Variants in C1QTNF7 observed in about 807,000 individuals in gnomAD.
The protein encoded by C1QTNF7 is C1q and TNF related 7.
In C1QTNF7, 15 loss-of-function variants were observed where a neutral mutation model predicts 19.6. The ratio of observed to expected loss-of-function variants is 0.76; its 90% CI spans 0.51 to 1.18. C1QTNF7 has a LOEUF of 1.18. Ranked by LOEUF, C1QTNF7 falls within the 50% of genes most tolerant of loss-of-function variation. The pLI is 0.00. For missense variants in C1QTNF7, 324 were observed against 359.7 expected, an observed-to-expected ratio of 0.90 and a Z score of 0.80; for synonymous variants, 142 against 137.5, an observed-to-expected ratio of 1.03 and a Z score of -0.23.
chr4:15,435,356 T>C (rs925998271), intron 1 of C1QTNF7, among the ~76,000 whole-genome samples: 2 of 152,184 alleles, frequency 1.3e-5, no homozygotes, highest in African/African-American at 4.8e-5. Context: ...GTAAAAATAA[T>C]GTTGATGTTT....
At chr4:15,341,460 GAT>G (rs1312565934) in intron 1 of C1QTNF7, among the ~76,000 whole-genome samples, 1 of 152,140 alleles carries the variant, frequency 6.6e-6, no homozygotes, top group Non-Finnish European at 1.5e-5. Context: ...TGGTCTCAAC[GAT>G]AAGAAAGGGA....
chr4:15,443,891 C>T lies in C1QTNF7; in HGVS notation c.*1092C>T, dbSNP rs1387565618. ...GGTATTTATTTCAAATAAAGCAAGG[C>T]ATATGTTCACTGATTTACGAGTAAG... On this transcript the variant is annotated 3_prime_UTR_variant, in exon 3 of 3. Coordinates refer to ENST00000444304, the MANE Select transcript of C1QTNF7 (RefSeq NM_031911.5). 24 of 152,176 alleles carry T rather than the reference C, an allele frequency of 1.6e-4. No homozygotes were observed. Among genetic ancestry groups the T allele is most frequent in the Admixed American group, 1.6e-3 (24 of 15,282 alleles). The allele number at this position is 152,176 out of a possible 1,614,324, so 9.4% of individuals were successfully genotyped here.
intron 1 of C1QTNF7, among the ~76,000 whole-genome samples, chr4:15,370,643 T>C (rs1717687632): frequency 6.6e-6 from 1 of 152,124 alleles, no homozygotes; most frequent in Non-Finnish European, 1.5e-5. Context: ...TGAAAGGAGA[T>C]TATAAGAAGG....
chr4:15,392,010 GC>G (rs1302800722), intron 1 of C1QTNF7, among the ~76,000 whole-genome samples: 1 of 152,172 alleles, frequency 6.6e-6, no homozygotes, highest in African/African-American at 2.4e-5. Context: ...CAGGTCCTCA[GC>G]CTGGATTTAG....
intron 1 of C1QTNF7, among the ~76,000 whole-genome samples, chr4:15,344,961 G>A (rs1476648607): frequency 6.6e-6 from 1 of 152,200 alleles, no homozygotes; most frequent in African/African-American, 2.4e-5. Context: ...TTCATTAGGT[G>A]TCTTATGATC....
In C1QTNF7 at chr4:15,390,960, G is replaced by A. The variant is rs1245194658; in HGVS notation, c.14-44776G>A. ...TCTCCCAAAGAGACAGTCTATCTGG[G>A]GACTCCATCGGTTAGCACTCTTTCA... is the stretch of plus-strand genomic sequence containing the variant. On this transcript the variant is annotated intron_variant, in intron 1 of 2. Transcript: ENST00000295297. Among the ~76,000 whole-genome samples, 4 of 152,012 alleles carry A rather than the reference G, an allele frequency of 2.6e-5. No individual in the cohort carries two copies. The East Asian group carries it at 7.7e-4, about 29-fold the overall frequency.
chr4:15,433,697 A>ACAGATT (rs1472629447), intron 1 of C1QTNF7, among the ~76,000 whole-genome samples: 1 of 152,218 alleles, frequency 6.6e-6, no homozygotes, highest in Non-Finnish European at 1.5e-5. Flanking sequence ...ACCAGAAATC[A>ACAGATT]CAGGACAGCC....
intron 1 of C1QTNF7, among the ~76,000 whole-genome samples, chr4:15,431,393 C>A (rs1195204672): frequency 1.3e-5 from 2 of 152,108 alleles, no homozygotes; most frequent in Non-Finnish European, 2.9e-5. Flanking sequence ...AGGGAGGGAA[C>A]CTGGGTATCC....
At chr4:15,343,472 G>T (rs1716617787) in intron 1 of C1QTNF7, among the ~76,000 whole-genome samples, 1 of 151,472 alleles carries the variant, frequency 6.6e-6, no homozygotes, top group Admixed American at 6.6e-5. Flanking sequence ...CAACTTTTAG[G>T]AGGAAAAGTG....
chr4:15,341,735 C>T (rs1244710700), intron 1 of C1QTNF7, among the ~76,000 whole-genome samples: 2 of 152,216 alleles, frequency 1.3e-5, no homozygotes, highest in African/African-American at 4.8e-5. Context: ...CCAGGCTGGT[C>T]GGGGAAGCCC....
At chr4:15,429,624 T>C (rs1474955319) in intron 1 of C1QTNF7, among the ~76,000 whole-genome samples, 4 of 152,214 alleles carry the variant, frequency 2.6e-5, no homozygotes, top group African/African-American at 7.2e-5. Context: ...GTTTTGTTTA[T>C]CCATTCACCT....
intron 1 of C1QTNF7, among the ~76,000 whole-genome samples, chr4:15,362,247 G>A (rs950203826): frequency 6.6e-6 from 1 of 152,130 alleles, no homozygotes. Flanking sequence ...GCTGACCTGG[G>A]AGGTCCTCAA....
chr4:15,437,851 C>T (rs189031160), intron 2 of C1QTNF7, among the ~76,000 whole-genome samples: 21 of 152,272 alleles, frequency 1.4e-4, no homozygotes, highest in Admixed American at 4.6e-4. Context: ...GCACTCCTCT[C>T]TAAATTGACA....
At position 15,362,449 on chromosome 4, in the gene C1QTNF7, T is replaced by C. The variant is rs951222180; in HGVS notation, c.13+22242T>C. ...ATTCTTGATCCTTGTGCGTTAGTCA[T>C]AGGCAACTTGACCTGCAGCATAACT... is the stretch of plus-strand genomic sequence containing the variant. On this transcript the variant is annotated intron_variant, in intron 1 of 2. Transcript: ENST00000295297. 3.9e-5 allele frequency: 6 copies of C among 152,220 alleles called. No homozygotes were observed. The South Asian group carries it at 1.2e-3, about 32-fold the overall frequency. The allele number at this position is 152,220 out of a possible 1,614,324, so 9.4% of individuals were successfully genotyped here.
chr4:15,422,592 A>G (rs890443003), intron 1 of C1QTNF7, among the ~76,000 whole-genome samples: 2 of 151,952 alleles, frequency 1.3e-5, no homozygotes, highest in Admixed American at 6.6e-5. Context: ...GTTTTTTAAT[A>G]TGTTTAAAAC....
chr4:15,393,205 A>T (rs887965824), intron 1 of C1QTNF7, among the ~76,000 whole-genome samples: 12 of 152,112 alleles, frequency 7.9e-5, no homozygotes, highest in African/African-American at 2.9e-4. Context: ...TTCCACCATG[A>T]TTGTGAGGCC....
chr4:15,367,840 C>T (rs1206954561), intron 1 of C1QTNF7, among the ~76,000 whole-genome samples: 1 of 151,542 alleles, frequency 6.6e-6, no homozygotes, highest in African/African-American at 2.4e-5. Context: ...CACATGCAAA[C>T]ATTCCTAATT....
At chr4:15,435,689 C>G (rs780447221) in intron 1 of C1QTNF7, 47 bp from the exon 2 acceptor site, 16 of 1,604,826 alleles carry the variant, frequency 1.0e-5, no homozygotes, top group Non-Finnish European at 1.4e-5. Context: ...AAACCACACC[C>G]CTCCCAACAC....
At chr4:15,367,183 G>T (rs1461991998) in intron 1 of C1QTNF7, among the ~76,000 whole-genome samples, 2 of 152,184 alleles carry the variant, frequency 1.3e-5, no homozygotes, top group South Asian at 4.1e-4. Context: ...AAATTAGAAA[G>T]AAGGCAATTT....
Sources: gnomAD v4.1 joint callset for allele counts (sites outside exome capture counted in the v4.1 genomes callset) on GRCh38, gnomAD v4.1.1 for gene constraint, MANE v1.5 for transcripts, NCBI Gene and HGNC (gene_info 2026-07-23, HGNC 2026-07-21) for gene names.